EYA4: variants seen among roughly 807,000 people sequenced by gnomAD.
EYA4 encodes the protein EYA transcriptional coactivator and phosphatase 4.
Under a neutral mutation model 87.9 loss-of-function variants are expected in EYA4, and 31 were observed. The observed-to-expected ratio is 0.35, with a 90% CI of 0.27 to 0.48. EYA4 has a LOEUF of 0.48. Ranked by LOEUF, EYA4 falls within the 20% of genes least tolerant of loss-of-function variation. The pLI, the probability that EYA4 is intolerant of heterozygous loss-of-function variation, is 0.99. For synonymous variants in EYA4, 263 were observed against 270.6 expected, an observed-to-expected ratio of 0.97 and a Z score of 0.28; for missense variants, 678 against 761.4, an observed-to-expected ratio of 0.89 and a Z score of 1.29.
chr6:133,464,008 A>G (rs1191979662), intron 9 of EYA4, among the ~76,000 whole-genome samples: 1 of 151,754 alleles, frequency 6.6e-6, no homozygotes, highest in Non-Finnish European at 1.5e-5. Context: ...ATTCCAGGTC[A>G]GGTCAGTGGC....
At chr6:133,325,332 A>G (rs1262165810) in intron 2 of EYA4, 1 of 152,200 alleles carries the variant, frequency 6.6e-6, no homozygotes, top group Non-Finnish European at 1.5e-5. Flanking sequence ...TGCTGCATGC[A>G]TGTTTAATCA....
intron 2 of EYA4, among the ~76,000 whole-genome samples, chr6:133,323,487 C>A (rs112959366): frequency 6.6e-6 from 1 of 152,024 alleles, no homozygotes; most frequent in African/African-American, 2.4e-5. Flanking sequence ...TGAAAAATTG[C>A]GTAAACTTTG....
intron 1 of EYA4, among the ~76,000 whole-genome samples, chr6:133,256,025 T>C (rs1775306695): frequency 6.6e-6 from 1 of 151,956 alleles, no homozygotes; most frequent in Admixed American, 6.6e-5. Flanking sequence ...AAGGTAATAT[T>C]CTCATCTTTC....
intron 2 of EYA4, among the ~76,000 whole-genome samples, chr6:133,342,054 C>T (rs1208839751): frequency 6.6e-6 from 1 of 152,038 alleles, no homozygotes; most frequent in African/African-American, 2.4e-5. Flanking sequence ...GGCTGACTGA[C>T]ATGAAAGCAC....
intron 3 of EYA4, among the ~76,000 whole-genome samples, chr6:133,426,005 C>T (rs1277847204): frequency 2.0e-5 from 3 of 151,002 alleles, no homozygotes; most frequent in Non-Finnish European, 4.4e-5. Flanking sequence ...CATCTCCATG[C>T]CATTGAATAA....
At chr6:133,251,096 G>T (rs777827302) in intron 1 of EYA4, among the ~76,000 whole-genome samples, 11 of 152,172 alleles carry the variant, frequency 7.2e-5, no homozygotes, top group Non-Finnish European at 1.5e-4. Context: ...GGCCATTTAC[G>T]TTGTGCAGTA....
rs183539125 is a variant in EYA4 at position 133,352,966 on chromosome 6, T to C, written c.34-29426T>C. On this transcript the variant is annotated intron_variant, in intron 2 of 19. Transcript: ENST00000355286. ...ATCTTGTCCCAACACTAATGATATT[T>C]CAGGCATGTATCTACAAGTTCAAAT... Among the ~76,000 whole-genome samples, 8 of 152,328 alleles carry C rather than the reference T, an allele frequency of 5.3e-5. No individual in the cohort carries two copies. The East Asian group carries it at 1.5e-3, about 29-fold the overall frequency.
At chr6:133,498,862 G>A (rs1367895601) in intron 13 of EYA4, among the ~76,000 whole-genome samples, 1 of 152,160 alleles carries the variant, frequency 6.6e-6, no homozygotes, top group African/African-American at 2.4e-5. Context: ...TTCGTGTTGA[G>A]TATATGTTTG....
chr6:133,443,231 A>T (rs888957200), intron 3 of EYA4, among the ~76,000 whole-genome samples: 3 of 151,962 alleles, frequency 2.0e-5, no homozygotes, highest in Admixed American at 2.0e-4. Context: ...AGTAGCAAAA[A>T]AAGTTTGCTA....
At position 133,523,044 on chromosome 6, in the gene EYA4, T is replaced by C; in HGVS notation, c.1617-12T>C. 1 of 1,604,944 alleles carries C rather than the reference T, an allele frequency of 6.2e-7. No homozygotes were observed. Among genetic ancestry groups the C allele is most frequent in the Non-Finnish European group, 8.5e-7 (1 of 1,172,030 alleles). ...TTAGAAAACAAACATGTATATTTCCTCCCTATTTTAGGAGTAACTGCATAA... is the reference window on the plus strand; with the variant it reads ...TTAGAAAACAAACATGTATATTTCCCCCCTATTTTAGGAGTAACTGCATAA... On this transcript the variant is annotated splice_polypyrimidine_tract_variant and intron_variant, in intron 17 of 19. Transcript: ENST00000355286.
chr6:133,424,989 C>T (rs1356567546), intron 3 of EYA4, among the ~76,000 whole-genome samples: 1 of 150,730 alleles, frequency 6.6e-6, no homozygotes, highest in Non-Finnish European at 1.5e-5. Flanking sequence ...CATGGATCTT[C>T]CTTGATAGTT....
intron 3 of EYA4, among the ~76,000 whole-genome samples, chr6:133,384,610 G>C (rs159411): frequency 0.069 from 10,536 of 152,264 alleles, 540 homozygotes; most frequent in Non-Finnish European, 0.11. Context: ...AGTTTGCCCA[G>C]ACGTTTTGAT....
intron 2 of EYA4, among the ~76,000 whole-genome samples, chr6:133,300,356 T>C (rs1357904382): frequency 6.6e-6 from 1 of 152,178 alleles, no homozygotes; most frequent in African/African-American, 2.4e-5. Flanking sequence ...TCTGTCATCA[T>C]CTACTGTTAA....
chr6:133,393,745 G>A (rs1025700872), intron 3 of EYA4, among the ~76,000 whole-genome samples: 1 of 152,050 alleles, frequency 6.6e-6, no homozygotes, highest in African/African-American at 2.4e-5. Context: ...TGGACTAATT[G>A]CCTCTTTTGT....
At chr6:133,299,959 A>ATCTATC (rs1562264027) in intron 2 of EYA4, among the ~76,000 whole-genome samples, 5 of 106,474 alleles carry the variant, frequency 4.7e-5, no homozygotes, top group African/African-American at 1.0e-4. Flanking sequence ...ATCTATCTAT[A>ATCTATC]TATATATATA....
chr6:133,261,646 A>G (rs999453429), intron 1 of EYA4, among the ~76,000 whole-genome samples: 3 of 152,234 alleles, frequency 2.0e-5, no homozygotes, highest in Non-Finnish European at 4.4e-5. Context: ...TAATTGGTTA[A>G]TGTAGCTCCT....
At chr6:133,421,088 C>CCA (rs1790180367) in intron 3 of EYA4, among the ~76,000 whole-genome samples, 1 of 152,218 alleles carries the variant, frequency 6.6e-6, no homozygotes, top group African/African-American at 2.4e-5. Context: ...TTGGCTTCCT[C>CCA]TTAGACTGTG....
intron 1 of EYA4, among the ~76,000 whole-genome samples, chr6:133,274,464 T>C (rs530102692): frequency 6.6e-6 from 1 of 152,340 alleles, no homozygotes; most frequent in Admixed American, 6.5e-5. Context: ...CTGTGTTTAG[T>C]GCAGACTATG....
In EYA4 at chr6:133,426,024, A is replaced by G. The variant is rs183847983; in HGVS notation, c.84-20606A>G. On this transcript the variant is annotated intron_variant, in intron 3 of 19. Transcript: ENST00000355286. Reference sequence around the variant, plus strand: ...TCCATGCCATTGAATAAACCTGTCCATCCATCTTCTGGAATGTTTCGCCAA... The same window carrying G: ...TCCATGCCATTGAATAAACCTGTCCGTCCATCTTCTGGAATGTTTCGCCAA... Among the ~76,000 whole-genome samples, 24 of 151,066 alleles carry G rather than the reference A, an allele frequency of 1.6e-4. 3 individuals carry two copies. Among genetic ancestry groups the G allele is most frequent in the African/African-American group, 5.9e-4 (24 of 40,518 alleles).
Sources: gnomAD v4.1 joint callset for allele counts (sites outside exome capture counted in the v4.1 genomes callset) on GRCh38, gnomAD v4.1.1 for gene constraint, MANE v1.5 for transcripts, NCBI Gene and HGNC (gene_info 2026-07-23, HGNC 2026-07-21) for gene names.